Variants in TENM4 observed in about 807,000 individuals in gnomAD.
The protein encoded by TENM4 is teneurin transmembrane protein 4.
A neutral mutation model predicts 243.3 loss-of-function variants in TENM4; 82 were observed. That is an observed-to-expected ratio of 0.34 (90% CI 0.28 to 0.40). TENM4 has a LOEUF of 0.40. TENM4 is among the 10% of genes least tolerant of loss of function. The probability of loss-of-function intolerance (pLI) is 1.00; values close to 1 mark genes in which losing one functional copy is unlikely to be tolerated. For missense variants in TENM4, 3,138 were observed against 3,673.3 expected (o/e 0.85, Z 3.77); for synonymous variants, 1,412 against 1,456.3 (o/e 0.97, Z 0.69).
chr11:78,786,723 G>C (rs749389081), intron 16 of TENM4, among the ~76,000 whole-genome samples, 175 bp downstream of exon 16: 1 of 152,186 alleles, frequency 6.6e-6, no homozygotes, highest in Non-Finnish European at 1.5e-5. Flanking sequence ...ATACCAAATC[G>C]TGAGTTTAAA....
In TENM4 at chr11:78,785,558, G is replaced by A. The variant is rs982185901; in HGVS notation, c.2365+1340C>T. Among the ~76,000 whole-genome samples the A allele has an allele frequency of 1.5e-4, 23 of 152,304 alleles. 1 individual carries two copies. The highest frequency in any genetic ancestry group is 3.9e-4 in the Admixed American group (6 of 15,298). On this transcript the variant is annotated intron_variant, in intron 16 of 33. Coordinates refer to ENST00000278550, the MANE Select transcript of TENM4 (RefSeq NM_001098816.3). ...CCTTAAGCCTCAGGTCCTTGAAAAT[G>A]AGGAAATAATACATACTGCTTCACA...
chr11:79,423,248 A>G (rs1858973679), intron 1 of TENM4, among the ~76,000 whole-genome samples: 1 of 152,074 alleles, frequency 6.6e-6, no homozygotes, highest in Non-Finnish European at 1.5e-5. Flanking sequence ...CTTTACCTAT[A>G]TTATCTCCTG....
rs368593142 is a variant in TENM4 at position 78,722,833 on chromosome 11, C to T, written c.3635G>A (p.Arg1212Gln). The change falls in exon 24 of 34, where the codon CGG becomes CAG. Residue 1212 changes from arginine to glutamine, a missense_variant. By Grantham distance (43) the Arg-to-Gln change is conservative. Around this residue, in one of 2 missense-constraint regions of TENM4, gnomAD observed 2,467 missense variants for 3,059.1 expected, o/e 0.81. Coordinates refer to ENST00000278550, the MANE Select transcript of TENM4 (RefSeq NM_001098816.3). ...VIGSIMGNGR[R>Q]RSISCPSCNG... ...GCAGCTGGGGCAGGAGATGCTTCTC[C>T]GGCGCCCATTGCCCATGATGCTCCC... 1.3e-4 allele frequency: 217 copies of T among 1,613,908 alleles called. No individual in the cohort carries two copies. The highest frequency in any genetic ancestry group is 3.2e-4 in the African/African-American group (24 of 74,932).
At chr11:79,391,514 G>A (rs1354589320) in intron 1 of TENM4, among the ~76,000 whole-genome samples, 1 of 152,144 alleles carries the variant, frequency 6.6e-6, no homozygotes, top group Non-Finnish European at 1.5e-5. Flanking sequence ...AATTTATATA[G>A]TAAAGTAGCA....
intron 2 of TENM4, among the ~76,000 whole-genome samples, chr11:79,217,686 T>A (rs4584601): frequency 6.6e-6 from 1 of 151,964 alleles, no homozygotes. Flanking sequence ...CTGTTGGTAC[T>A]CTCCAGAGAC....
chr11:78,845,172 C>T (rs1033255466), intron 12 of TENM4, among the ~76,000 whole-genome samples: 21 of 152,288 alleles, frequency 1.4e-4, no homozygotes, highest in African/African-American at 5.1e-4. Context: ...TTGGTTCTCC[C>T]GATTGATTAT....
At chr11:79,207,555 A>C (rs547904457) in intron 3 of TENM4, among the ~76,000 whole-genome samples, 2 of 152,224 alleles carry the variant, frequency 1.3e-5, no homozygotes, top group African/African-American at 4.8e-5. Flanking sequence ...ATCTGTGATA[A>C]ACTCTTGGGA....
chr11:79,183,600 A>G (rs373962579), intron 3 of TENM4, among the ~76,000 whole-genome samples: 54 of 152,212 alleles, frequency 3.5e-4, no homozygotes, highest in African/African-American at 1.2e-3. Context: ...CAAATGTACC[A>G]CTCTGGTTTG....
rs184440080 is a variant in TENM4, at chr11:78,712,453, T to C, written c.4054+29A>G. On this transcript the variant is annotated intron_variant, in intron 26 of 33. Coordinates refer to ENST00000278550, the MANE Select transcript of TENM4 (RefSeq NM_001098816.3). ...AAGGAAAATACCCCAATAAATGTTA[T>C]TGACAATGTCTCTAAGGCAAGGCCT... 1.2e-4 allele frequency: 193 copies of C among 1,586,292 alleles called. 1 individual carries two copies. In the African/African-American group the frequency reaches 2.1e-3, roughly 17 times the overall value.
chr11:79,394,743 C>A (rs765589985), intron 1 of TENM4, among the ~76,000 whole-genome samples: 4 of 152,030 alleles, frequency 2.6e-5, no homozygotes, highest in Non-Finnish European at 5.9e-5. Flanking sequence ...TAGGGTAGGC[C>A]CTTCATCCAG....
chr11:79,440,300 C>A lies in TENM4; in HGVS notation c.-321+209G>T, dbSNP rs1434377897. On this transcript the variant is annotated intron_variant, in intron 1 of 33. Coordinates refer to ENST00000278550, the MANE Select transcript of TENM4 (RefSeq NM_001098816.3). The surrounding 1 kb of genome is among the most constrained non-coding windows in gnomAD (Gnocchi z 4.7). ...CTCCGGGGGCTGCGGCGGCTCCAGG[C>A]TCCAGAACAGCTTGCCTCTTCGGCC... Among the ~76,000 whole-genome samples the A allele has an allele frequency of 6.6e-6, 1 of 151,976 alleles. No homozygotes were observed. The highest frequency in any genetic ancestry group is 1.5e-5 in the Non-Finnish European group (1 of 67,968).
At chr11:79,122,618 C>T (rs1182929118) in intron 4 of TENM4, among the ~76,000 whole-genome samples, 3 of 152,062 alleles carry the variant, frequency 2.0e-5, no homozygotes, top group Admixed American at 6.6e-5. Flanking sequence ...TACCAAAAAA[C>T]GATACCCAGG....
intron 2 of TENM4, among the ~76,000 whole-genome samples, chr11:79,295,798 T>A (rs1398558380): frequency 6.6e-6 from 1 of 151,442 alleles, no homozygotes; most frequent in Non-Finnish European, 1.5e-5. Flanking sequence ...AATCAAAGAG[T>A]TTAATGAGGC....
chr11:79,244,575 G>A (rs1041645185), intron 2 of TENM4, among the ~76,000 whole-genome samples: 6 of 152,098 alleles, frequency 3.9e-5, no homozygotes, highest in African/African-American at 1.2e-4. Flanking sequence ...TAAAAAAGCC[G>A]CTTGCAGTAC....
chr11:78,812,370 T>C, intron 13 of TENM4, 54 bp from the exon 14 acceptor site: 1 of 1,525,328 alleles, frequency 6.6e-7, no homozygotes, highest in African/African-American at 1.4e-5. Context: ...ACACCCCAAC[T>C]GCCTTTGTCT....
At chr11:78,854,034 A>G in intron 12 of TENM4, 70 bp downstream of exon 12, 1 of 1,437,666 alleles carries the variant, frequency 7.0e-7, no homozygotes, top group Non-Finnish European at 9.4e-7. Context: ...TGTCAGTCCC[A>G]GAATCTCCAT....
In TENM4 at chr11:78,669,606, G is replaced by A. The variant is rs758333727; in HGVS notation, c.6739C>T (p.Arg2247Trp). ...ATCTTGTATTGCACGTCACCCAGCC[G>A]AGTGATGCGGTCGCGGATGTCATAC... ...LRYDIRDRIT[R>W]LGDVQYKMDE... The change falls in exon 32 of 34, where the codon CGG becomes TGG. Residue 2247 changes from arginine to tryptophan, a missense_variant. By Grantham distance (101) the Arg-to-Trp change is moderately radical. Coordinates refer to ENST00000278550, the MANE Select transcript of TENM4 (RefSeq NM_001098816.3). This position sits in a 1 kb window ranked among gnomAD's most constrained non-coding sequence, Gnocchi z 6.4. 17 of 1,613,834 alleles carry A rather than the reference G, an allele frequency of 1.1e-5. No homozygotes were observed. Among genetic ancestry groups the A allele is most frequent in the African/African-American group, 8.0e-5 (6 of 74,892 alleles).
At chr11:79,385,691 T>C (rs1442162385) in intron 1 of TENM4, among the ~76,000 whole-genome samples, 5 of 151,930 alleles carry the variant, frequency 3.3e-5, no homozygotes, top group Non-Finnish European at 7.4e-5. Context: ...GAAAGATTTG[T>C]GAGATTTATC....
intron 15 of TENM4, among the ~76,000 whole-genome samples, chr11:78,797,118 T>C (rs1303680343): frequency 2.0e-5 from 3 of 152,166 alleles, no homozygotes; most frequent in African/African-American, 4.8e-5. Context: ...AATGGCAGAG[T>C]TGTGCAGAGG....
Sources: allele counts gnomAD v4.1 joint callset (sites outside exome capture counted in the v4.1 genomes callset), GRCh38; gene constraint gnomAD v4.1.1; regional missense constraint gnomAD v4.1.1; non-coding constraint Gnocchi (gnomAD v3.1); transcripts MANE v1.5; gene names NCBI Gene and HGNC (gene_info 2026-07-23, HGNC 2026-07-21).